ACAD11: variants seen among roughly 807,000 people sequenced by gnomAD.
ACAD11 encodes the protein acyl-Coenzyme A dehydrogenase family, member 11.
ACAD11 carries 83 observed loss-of-function variants against 102.2 expected under a neutral mutation model. That is an observed-to-expected ratio of 0.81 (90% CI 0.68 to 0.97). The LOEUF is 0.97. Among genes scored for constraint, ACAD11 ranks in the 50% least tolerant of loss-of-function variants. The probability of loss-of-function intolerance (pLI) is 0.00; values close to 1 mark genes in which losing one functional copy is unlikely to be tolerated. For synonymous variants in ACAD11, 324 were observed against 319.8 expected (o/e 1.01, Z -0.14); for missense variants, 901 against 951.7 (o/e 0.95, Z 0.70).
intron 17 of ACAD11, among the ~76,000 whole-genome samples, chr3:132,570,715 T>C (rs1268362784): frequency 3.9e-5 from 6 of 152,300 alleles, no homozygotes; most frequent in African/African-American, 1.2e-4. Flanking sequence ...TATGTGTCCA[T>C]GTGTTCTCAT....
chr3:132,619,539 T>A lies in ACAD11; in HGVS notation c.1204A>T (p.Thr402Ser). 1 of 1,583,056 alleles carries A rather than the reference T, an allele frequency of 6.3e-7. No homozygotes were observed. Among genetic ancestry groups the A allele is most frequent in the Non-Finnish European group, 8.6e-7 (1 of 1,165,676 alleles). ...TTTTCATTTTGAACATAGAACTCAG[T>A]TACCTCCTTAAAGTAATAAAAGAAA... ...QHILPAEKEV[T>S]EFYVQNENSV... The change falls in exon 10 of 20, where the codon ACT becomes TCT. Residue 402 changes from threonine to serine, a missense_variant. Coordinates refer to ENST00000264990, the MANE Select transcript of ACAD11 (RefSeq NM_032169.5).
rs567288127 is a variant in ACAD11, at chr3:132,624,388, C to T, written c.1197+2303G>A. Among the ~76,000 whole-genome samples, 18 of 151,322 alleles carry T rather than the reference C, an allele frequency of 1.2e-4. No individual in the cohort carries two copies. The South Asian group carries it at 3.1e-3, about 26-fold the overall frequency. On this transcript the variant is annotated intron_variant, in intron 9 of 19. Coordinates refer to ENST00000264990, the MANE Select transcript of ACAD11 (RefSeq NM_032169.5). ...TTGGGAGGCTGAGGTGCGCGGATCACGAGGTCAGGAGTTCGAGACCAGCCT... is the reference window on the plus strand; with the variant it reads ...TTGGGAGGCTGAGGTGCGCGGATCATGAGGTCAGGAGTTCGAGACCAGCCT...
In ACAD11 at chr3:132,658,640, C is replaced by T. The variant is rs2045302; in HGVS notation, c.149+963G>A. On this transcript the variant is annotated intron_variant, in intron 1 of 19. Coordinates refer to ENST00000264990, the MANE Select transcript of ACAD11 (RefSeq NM_032169.5). ...CTCAGCTATTCTTTATTCCACCTTT[C>T]CCTTCATCTTCCAATATCTATTGGG... 6.8e-4 allele frequency among the ~76,000 whole-genome samples: 104 copies of T among 152,328 alleles called. 1 individual carries two copies. Among genetic ancestry groups the T allele is most frequent in the African/African-American group, 1.9e-3 (81 of 41,566 alleles).
chr3:132,611,615 C>A (rs1348410487), intron 11 of ACAD11, among the ~76,000 whole-genome samples: 1 of 151,936 alleles, frequency 6.6e-6, no homozygotes, highest in East Asian at 1.9e-4. Flanking sequence ...CAGTGAACTC[C>A]CATTCACAAT....
At chr3:132,659,578 T>G (rs777234104) in intron 1 of ACAD11, 25 bp downstream of exon 1, 3 of 1,607,946 alleles carry the variant, frequency 1.9e-6, no homozygotes, top group Middle Eastern at 1.7e-4. Context: ...TTTTTTCCGC[T>G]GGAGGCAAAG....
chr3:132,628,307 A>C (rs1350686606), intron 8 of ACAD11, 33 bp downstream of exon 8: 1 of 1,526,166 alleles, frequency 6.6e-7, no homozygotes, highest in African/African-American at 1.4e-5. Context: ...AAAGGCTCTA[A>C]TTTGAGTTAG....
chr3:132,578,187 C>G (rs185591915), intron 15 of ACAD11, among the ~76,000 whole-genome samples: 2 of 152,016 alleles, frequency 1.3e-5, no homozygotes, highest in Non-Finnish European at 2.9e-5. Context: ...GGTGAAAGCC[C>G]GTCTCTACTA....
At chr3:132,583,774 A>G (rs1383322968) in intron 13 of ACAD11, among the ~76,000 whole-genome samples, 1 of 152,100 alleles carries the variant, frequency 6.6e-6, no homozygotes. Context: ...GGTTTCAAAG[A>G]ACATCTTTAT....
At chr3:132,598,420 A>G (rs995269867) in intron 13 of ACAD11, among the ~76,000 whole-genome samples, 1 of 152,202 alleles carries the variant, frequency 6.6e-6, no homozygotes, top group African/African-American at 2.4e-5. Flanking sequence ...ACAAATATTT[A>G]CTGAGAAGCT....
At chr3:132,641,748 A>C (rs1160532141) in intron 4 of ACAD11, among the ~76,000 whole-genome samples, 1 of 152,040 alleles carries the variant, frequency 6.6e-6, no homozygotes, top group Admixed American at 6.6e-5. Flanking sequence ...GTATAGTTAA[A>C]AGTATTGGAA....
intron 11 of ACAD11, among the ~76,000 whole-genome samples, chr3:132,617,004 C>T (rs566533959): frequency 2.0e-5 from 3 of 152,250 alleles, no homozygotes; most frequent in African/African-American, 7.2e-5. Flanking sequence ...CTCAGGAGTC[C>T]AGTACTGTCT....
chr3:132,612,430 G>T lies in ACAD11; in HGVS notation c.1414+6204C>A, dbSNP rs200112010. On this transcript the variant is annotated intron_variant, in intron 11 of 19. Coordinates refer to ENST00000264990, the MANE Select transcript of ACAD11 (RefSeq NM_032169.5). ...CAGCAAAAGAAACTACCATCAGAGT[G>T]AACAGGCAACCTACAGAATGGGAGA... Among the ~76,000 whole-genome samples, 19 of 152,102 alleles carry T rather than the reference G, an allele frequency of 1.2e-4. No homozygotes were observed. The East Asian group carries it at 3.7e-3, about 29-fold the overall frequency.
rs1001261168 is a variant in ACAD11, at chr3:132,639,776, G to A, written c.538-120C>T. ...CTCCTAAATACTTAAGACCCATGCT[G>A]GTGATACTCCTGTCATCCTAAAACA... On this transcript the variant is annotated intron_variant, in intron 4 of 19. Coordinates refer to ENST00000264990, the MANE Select transcript of ACAD11 (RefSeq NM_032169.5). 3 of 860,350 alleles carry A rather than the reference G, an allele frequency of 3.5e-6. No homozygotes were observed. In the African/African-American group the frequency reaches 5.2e-5, roughly 15 times the overall value. The allele number at this position is 860,350 out of a possible 1,614,324, so 53.3% of individuals were successfully genotyped here. A position where few individuals can be genotyped will look rare whatever the true frequency, so the allele number is the denominator to read the frequency against.
intron 13 of ACAD11, among the ~76,000 whole-genome samples, chr3:132,596,328 G>C (rs1938306058): frequency 6.6e-6 from 1 of 152,086 alleles, no homozygotes; most frequent in Non-Finnish European, 1.5e-5. Flanking sequence ...TGGGTACTAG[G>C]CTCAATACCT....
At chr3:132,646,919 A>T (rs891466371) in intron 1 of ACAD11, among the ~76,000 whole-genome samples, 2 of 152,194 alleles carry the variant, frequency 1.3e-5, no homozygotes, top group Non-Finnish European at 2.9e-5. Context: ...AAAGTAGATT[A>T]GTAGCAGCCA....
At chr3:132,651,765 A>G (rs1940938636) in intron 1 of ACAD11, among the ~76,000 whole-genome samples, 1 of 152,166 alleles carries the variant, frequency 6.6e-6, no homozygotes, top group Non-Finnish European at 1.5e-5. Context: ...AGACTGTCCC[A>G]CTGGATTTTG....
intron 11 of ACAD11, among the ~76,000 whole-genome samples, chr3:132,607,676 A>G (rs187220465): frequency 1.1e-3 from 167 of 152,322 alleles, no homozygotes; most frequent in Non-Finnish European, 2.1e-3. Context: ...GATGGGGAGA[A>G]TGGAACCAAG....
At chr3:132,569,653 C>A (rs76651220) in intron 17 of ACAD11, among the ~76,000 whole-genome samples, 5,400 of 152,176 alleles carry the variant, frequency 0.035, 137 homozygotes, top group South Asian at 0.062. Flanking sequence ...AATGAACCAA[C>A]TACTGATAAA....
intron 6 of ACAD11, 100 bp downstream of exon 6, chr3:132,631,239 CAA>C (rs1272182232): frequency 1.6e-6 from 1 of 626,732 alleles, no homozygotes; most frequent in Non-Finnish European, 2.4e-6. Context: ...GTTTAAGAAA[CAA>C]AAACTATTAT....
Sources: gnomAD v4.1 joint callset for allele counts (sites outside exome capture counted in the v4.1 genomes callset) on GRCh38, gnomAD v4.1.1 for gene constraint, MANE v1.5 for transcripts, NCBI Gene and HGNC (gene_info 2026-07-23, HGNC 2026-07-21) for gene names.